Variants in GOLGA7B observed in about 807,000 individuals in gnomAD.
GOLGA7B encodes golgin subfamily A member 7B.
In GOLGA7B, 17 loss-of-function variants were observed where a neutral mutation model predicts 21.5. That is an observed-to-expected ratio of 0.79 (90% CI 0.54 to 1.19). The LOEUF (loss-of-function observed/expected upper bound fraction) is 1.19, where lower values mean the gene tolerates loss of function less well. Ranked by LOEUF, GOLGA7B falls within the 50% of genes most tolerant of loss-of-function variation. GOLGA7B has a pLI of 0.00. For synonymous variants in GOLGA7B, 87 were observed against 84.0 expected (o/e 1.04, Z -0.19); for missense variants, 169 against 224.4 (o/e 0.75, Z 1.58).
chr10:97,855,009 C>T (rs901645850), intron 1 of GOLGA7B, among the ~76,000 whole-genome samples: 5 of 152,140 alleles, frequency 3.3e-5, no homozygotes, highest in South Asian at 2.1e-4. Context: ...ACATGGCATT[C>T]GTCACTTCCT....
intron 2 of GOLGA7B, among the ~76,000 whole-genome samples, chr10:97,861,764 C>T (rs536549626): frequency 2.9e-3 from 442 of 152,322 alleles, no homozygotes; most frequent in Non-Finnish European, 4.5e-3. Context: ...AGCCAGCTTT[C>T]GGAGAGAATG....
chr10:97,850,266 C>G lies in GOLGA7B; in HGVS notation c.-38C>G. The G allele has an allele frequency of 1.4e-6, 2 of 1,459,650 alleles. No homozygotes were observed. Among genetic ancestry groups the G allele is most frequent in the South Asian group, 2.6e-5 (2 of 75,974 alleles). The allele number at this position is 1,459,650 out of a possible 1,614,324, so 90.4% of individuals were successfully genotyped here. A position where few individuals can be genotyped will look rare whatever the true frequency, so the allele number is the denominator to read the frequency against. ...GGGTCAGCACCGCGGAGACCCCCCT[C>G]GCCCGGCCCCGCGACAGCCTCCGAG... is the stretch of plus-strand genomic sequence containing the variant. On this transcript the variant is annotated 5_prime_UTR_variant, in exon 1 of 5. Coordinates refer to ENST00000370602, the MANE Select transcript of GOLGA7B (RefSeq NM_001010917.3).
chr10:97,857,829 A>C (rs530191507), intron 1 of GOLGA7B, among the ~76,000 whole-genome samples: 34 of 152,334 alleles, frequency 2.2e-4, no homozygotes, highest in East Asian at 9.6e-4. Context: ...GGAACAGAAC[A>C]CAGAACCCAG....
At chr10:97,861,134 C>T (rs1204317164) in intron 2 of GOLGA7B, among the ~76,000 whole-genome samples, 2 of 152,152 alleles carry the variant, frequency 1.3e-5, no homozygotes, top group Admixed American at 1.3e-4. Flanking sequence ...TTAATCTATT[C>T]CTTGGGTTAT....
chr10:97,851,080 G>A (rs2049902867), intron 1 of GOLGA7B, among the ~76,000 whole-genome samples: 2 of 152,114 alleles, frequency 1.3e-5, no homozygotes, highest in Non-Finnish European at 2.9e-5. Context: ...ATTTCAGGAG[G>A]GAGATTGGGC....
intron 1 of GOLGA7B, 123 bp downstream of exon 1, chr10:97,850,438 A>C: frequency 1.3e-6 from 1 of 767,668 alleles, no homozygotes; most frequent in East Asian, 3.4e-5. Flanking sequence ...TCCCCAGGTC[A>C]GGTCTGGAGG....
At chr10:97,850,691 A>G (rs1454127034) in intron 1 of GOLGA7B, among the ~76,000 whole-genome samples, 3 of 152,120 alleles carry the variant, frequency 2.0e-5, no homozygotes, top group African/African-American at 7.2e-5. Context: ...CGCTGTTGCT[A>G]TGCAGTCAGC....
rs150246312 is a variant in GOLGA7B at position 97,861,878 on chromosome 10, A to G, written c.139-2052A>G. On this transcript the variant is annotated intron_variant, in intron 2 of 4. Transcript: ENST00000370602. ...TGGACTAGATGGGCAGGATTTTCATAGGATTTTCTCTATGAGTTCTCCCCA... is the reference window on the plus strand; with the variant it reads ...TGGACTAGATGGGCAGGATTTTCATGGGATTTTCTCTATGAGTTCTCCCCA... 1.3e-3 allele frequency among the ~76,000 whole-genome samples: 205 copies of G among 152,312 alleles called. 1 individual carries two copies. The highest frequency in any genetic ancestry group is 2.0e-3 in the Admixed American group (31 of 15,302).
At chr10:97,864,573 T>G (rs1423761960) in intron 4 of GOLGA7B, among the ~76,000 whole-genome samples, 1 of 152,208 alleles carries the variant, frequency 6.6e-6, no homozygotes, top group African/African-American at 2.4e-5. Context: ...TGGGTTGCTC[T>G]GATTATTCCC....
intron 1 of GOLGA7B, among the ~76,000 whole-genome samples, chr10:97,852,363 G>A (rs965691226): frequency 4.6e-5 from 7 of 152,184 alleles, no homozygotes; most frequent in African/African-American, 1.7e-4. Context: ...GGCTGGGTTG[G>A]TTTGAGGGCA....
rs758621467 is a variant in GOLGA7B at position 97,867,129 on chromosome 10, T to C, written c.*1429T>C. 2 of 152,170 alleles carry C rather than the reference T, an allele frequency of 1.3e-5. No homozygotes were observed. Among genetic ancestry groups the C allele is most frequent in the African/African-American group, 2.4e-5 (1 of 41,428 alleles). The allele number at this position is 152,170 out of a possible 1,614,324, so 9.4% of individuals were successfully genotyped here. A position where few individuals can be genotyped will look rare whatever the true frequency, so the allele number is the denominator to read the frequency against. ...CAAGACAACGGGGCTGCAGACACTGTGTGTTCAGCCTGCCCAGGGGCTGGG... is the reference window on the plus strand; with the variant it reads ...CAAGACAACGGGGCTGCAGACACTGCGTGTTCAGCCTGCCCAGGGGCTGGG... On this transcript the variant is annotated 3_prime_UTR_variant, in exon 5 of 5. Coordinates refer to ENST00000370602, the MANE Select transcript of GOLGA7B (RefSeq NM_001010917.3).
chr10:97,866,053 C>T lies in GOLGA7B; in HGVS notation c.*353C>T, dbSNP rs554579150. 51 of 296,698 alleles carry T rather than the reference C, an allele frequency of 1.7e-4. 1 individual carries two copies. The highest frequency in any genetic ancestry group is 7.0e-4 in the African/African-American group (33 of 47,102). 18.4% of individuals were successfully genotyped at this position (296,698 alleles called of 1,614,324 possible). On this transcript the variant is annotated 3_prime_UTR_variant, in exon 5 of 5. Transcript: ENST00000370602. ...CCTCTCCCAACCCTGCGAGGGGGGC[C>T]GAGGCCTGCCACATAGAGGACTCCC...
intron 1 of GOLGA7B, among the ~76,000 whole-genome samples, chr10:97,855,681 C>A (rs933175698): frequency 2.6e-5 from 4 of 152,164 alleles, no homozygotes; most frequent in African/African-American, 9.7e-5. Context: ...AAGGCCATAG[C>A]CTTGTTCTTT....
At chr10:97,859,790 A>AGG (rs982555293) in intron 2 of GOLGA7B, among the ~76,000 whole-genome samples, 4 of 152,228 alleles carry the variant, frequency 2.6e-5, no homozygotes, top group Non-Finnish European at 4.4e-5. Context: ...TTAGAGCTGA[A>AGG]GGGATCTCAG....
At chr10:97,858,990 CTG>C (rs140483407) in intron 1 of GOLGA7B, among the ~76,000 whole-genome samples, 56 of 151,142 alleles carry the variant, frequency 3.7e-4, no homozygotes, top group South Asian at 4.2e-4. Flanking sequence ...AAAGGTTCTT[CTG>C]TGTGTGTGTG....
At position 97,869,525 on chromosome 10, in the gene GOLGA7B, T is replaced by C. The variant is rs1044697555; in HGVS notation, c.*3825T>C. 4 of 152,570 alleles carry C rather than the reference T, an allele frequency of 2.6e-5. No homozygotes were observed. Among genetic ancestry groups the C allele is most frequent in the Admixed American group, 6.5e-5 (1 of 15,294 alleles). The allele number at this position is 152,570 out of a possible 1,614,324, so 9.5% of individuals were successfully genotyped here. On this transcript the variant is annotated 3_prime_UTR_variant, in exon 5 of 5. Coordinates refer to ENST00000370602, the MANE Select transcript of GOLGA7B (RefSeq NM_001010917.3). ...TGCCTCAGGAAGCTCCTGCTGCACATGCTCCTCTCCCTGCGCCAGCACCCT... is the reference window on the plus strand; with the variant it reads ...TGCCTCAGGAAGCTCCTGCTGCACACGCTCCTCTCCCTGCGCCAGCACCCT...
chr10:97,856,227 C>T (rs1233992667), intron 1 of GOLGA7B, among the ~76,000 whole-genome samples: 4 of 152,124 alleles, frequency 2.6e-5, no homozygotes, highest in Non-Finnish European at 4.4e-5. Flanking sequence ...ACCCTCACCC[C>T]CTCCCCTCTT....
intron 1 of GOLGA7B, 119 bp from the exon 2 acceptor site, chr10:97,859,339 A>C (rs576743164): frequency 2.0e-6 from 2 of 1,014,314 alleles, no homozygotes; most frequent in South Asian, 3.2e-5. Context: ...TTGTCTCTGC[A>C]TGCTGGGAAC....
In GOLGA7B at chr10:97,869,625, C is replaced by T. The variant is rs978852928; in HGVS notation, c.*3925C>T. On this transcript the variant is annotated 3_prime_UTR_variant, in exon 5 of 5. Coordinates refer to ENST00000370602, the MANE Select transcript of GOLGA7B (RefSeq NM_001010917.3). ...CAGGGTTTACAGAAGCTCGAGGTGCCACTGAGTGGCAGGATTATGCACTGC... is the reference window on the plus strand; with the variant it reads ...CAGGGTTTACAGAAGCTCGAGGTGCTACTGAGTGGCAGGATTATGCACTGC... 6.6e-6 allele frequency: 1 copy of T among 152,280 alleles called. No individual in the cohort carries two copies. Among genetic ancestry groups the T allele is most frequent in the Non-Finnish European group, 1.5e-5 (1 of 68,086 alleles). 9.4% of individuals were successfully genotyped at this position (152,280 alleles called of 1,614,324 possible). A position where few individuals can be genotyped will look rare whatever the true frequency, so the allele number is the denominator to read the frequency against.
Sources: allele counts gnomAD v4.1 joint callset (sites outside exome capture counted in the v4.1 genomes callset), GRCh38; gene constraint gnomAD v4.1.1; transcripts MANE v1.5; gene names NCBI Gene and HGNC (gene_info 2026-07-23, HGNC 2026-07-21).